Variants in CDK6 observed in about 807,000 individuals in gnomAD.
CDK6 encodes the protein cyclin-dependent kinase 6.
A neutral mutation model predicts 37.1 loss-of-function variants in CDK6; 6 were observed. That is an observed-to-expected ratio of 0.16 (90% CI 0.09 to 0.32). The LOEUF (loss-of-function observed/expected upper bound fraction) is 0.32, where lower values mean the gene tolerates loss of function less well. Among genes scored for constraint, CDK6 ranks in the 10% least tolerant of loss-of-function variants. The pLI is 1.00. For synonymous variants in CDK6, 160 were observed against 161.3 expected, an observed-to-expected ratio of 0.99 and a Z score of 0.06; for missense variants, 224 against 418.9, an observed-to-expected ratio of 0.53 and a Z score of 4.06.
chr7:92,621,612 T>C (rs998906718), intron 6 of CDK6, among the ~76,000 whole-genome samples: 5 of 152,226 alleles, frequency 3.3e-5, no homozygotes, highest in African/African-American at 1.2e-4. Context: ...CTTTCCCTAG[T>C]TTCCTCTTTA....
chr7:92,625,219 A>AACACACACAC (rs71699291), intron 5 of CDK6, among the ~76,000 whole-genome samples: 54 of 141,990 alleles, frequency 3.8e-4, no homozygotes, highest in African/African-American at 1.1e-3. Context: ...GTGGTAACTA[A>AACACACACAC]ACACACACAC....
intron 3 of CDK6, among the ~76,000 whole-genome samples, chr7:92,726,494 T>C (rs1359867061): frequency 3.3e-5 from 5 of 152,136 alleles, no homozygotes; most frequent in Non-Finnish European, 4.4e-5. Flanking sequence ...CCCTGCAGAC[T>C]TGACTTCCTT....
intron 4 of CDK6, among the ~76,000 whole-genome samples, chr7:92,698,645 T>C (rs1562939433): frequency 6.6e-6 from 1 of 152,244 alleles, no homozygotes; most frequent in South Asian, 2.1e-4. Context: ...CCATTTTGTT[T>C]GCCTGTAGGC....
chr7:92,657,941 CG>C (rs1382058687), intron 5 of CDK6, among the ~76,000 whole-genome samples: 1 of 152,096 alleles, frequency 6.6e-6, no homozygotes, highest in African/African-American at 2.4e-5. Context: ...AGACTGGTCT[CG>C]AACTCCTGAG....
chr7:92,747,349 G>A (rs1213327311), intron 3 of CDK6, among the ~76,000 whole-genome samples: 6 of 151,952 alleles, frequency 3.9e-5, no homozygotes, highest in Admixed American at 2.6e-4. Context: ...TCTCCTAAAC[G>A]AGCACACTGC....
intron 4 of CDK6, among the ~76,000 whole-genome samples, chr7:92,684,244 G>A (rs1797400140): frequency 6.6e-6 from 1 of 152,190 alleles, no homozygotes; most frequent in South Asian, 2.1e-4. Context: ...TCACTGTGGA[G>A]TCTAAATGAC....
intron 5 of CDK6, among the ~76,000 whole-genome samples, chr7:92,634,211 AG>A (rs1176771149): frequency 6.6e-6 from 1 of 152,058 alleles, no homozygotes; most frequent in East Asian, 1.9e-4. Context: ...CTCTGTGGTG[AG>A]GAATAGTGAG....
At chr7:92,782,328 C>T (rs1037465271) in intron 2 of CDK6, among the ~76,000 whole-genome samples, 2 of 152,170 alleles carry the variant, frequency 1.3e-5, no homozygotes, top group Admixed American at 6.5e-5. Context: ...CAGATGGTCT[C>T]TGCCTTTCCA....
chr7:92,753,935 T>C (rs1001643101), intron 3 of CDK6, among the ~76,000 whole-genome samples: 2 of 152,176 alleles, frequency 1.3e-5, no homozygotes, highest in African/African-American at 2.4e-5. Context: ...CTCTGCTTCA[T>C]TGTGAGATCA....
chr7:92,719,445 T>C (rs1798313696), intron 4 of CDK6, among the ~76,000 whole-genome samples: 1 of 152,256 alleles, frequency 6.6e-6, no homozygotes, highest in Non-Finnish European at 1.5e-5. Flanking sequence ...TAACATTTAC[T>C]TGTTGTCTTT....
At chr7:92,712,129 T>C (rs1272866390) in intron 4 of CDK6, among the ~76,000 whole-genome samples, 1 of 149,814 alleles carries the variant, frequency 6.7e-6, no homozygotes, top group Non-Finnish European at 1.5e-5. Context: ...CACTGCAGTC[T>C]GGTCTGGGTG....
At chr7:92,705,762 T>C (rs1056862233) in intron 4 of CDK6, among the ~76,000 whole-genome samples, 2 of 152,188 alleles carry the variant, frequency 1.3e-5, no homozygotes, top group Non-Finnish European at 2.9e-5. Flanking sequence ...GGGCACTAGA[T>C]AGATAAGAGC....
intron 4 of CDK6, among the ~76,000 whole-genome samples, chr7:92,697,408 A>G (rs1382914942): frequency 6.6e-6 from 1 of 152,236 alleles, no homozygotes; most frequent in Non-Finnish European, 1.5e-5. Context: ...TTCACTAAGG[A>G]CTTCACACAT....
chr7:92,704,248 A>G (rs138798777), intron 4 of CDK6, among the ~76,000 whole-genome samples: 2,618 of 152,274 alleles, frequency 0.017, 41 homozygotes, highest in Middle Eastern at 0.048. Context: ...TTTTATATAT[A>G]TCATTAATTT....
Position 92,833,310 on chromosome 7 carries a change from C to A in CDK6, c.14G>T (p.Gly5Val). The change falls in exon 2 of 8, where the codon GGC becomes GTC. Residue 5 changes from glycine (G) to valine (V), a missense_variant. Around this residue, in one of 5 missense-constraint regions of CDK6, gnomAD observed 18 missense variants for 18.5 expected, o/e 0.97. Transcript: ENST00000424848. This position sits in a 1 kb window ranked among gnomAD's most constrained non-coding sequence, Gnocchi z 6.1. Reference protein sequence around the residue: MEKDGLCRADQQYEC... With the variant: MEKDVLCRADQQYEC... ...GTACTGCTGGTCAGCGCGGCACAGG[C>A]CGTCCTTCTCCATGCCGCCTGGACG... 6.3e-7 allele frequency: 1 copy of A among 1,593,306 alleles called. No homozygotes were observed. Among genetic ancestry groups the A allele is most frequent in the Admixed American group, 1.7e-5 (1 of 58,434 alleles).
At chr7:92,759,139 G>T (rs571500653) in intron 3 of CDK6, among the ~76,000 whole-genome samples, 3 of 152,262 alleles carry the variant, frequency 2.0e-5, no homozygotes, top group Admixed American at 2.0e-4. Flanking sequence ...ACACACCCAG[G>T]CTTCTTAGCC....
intron 4 of CDK6, among the ~76,000 whole-genome samples, chr7:92,707,595 A>G (rs1276570871): frequency 6.6e-6 from 1 of 152,212 alleles, no homozygotes; most frequent in Admixed American, 6.5e-5. Flanking sequence ...AACAACATCA[A>G]TGGAGTCACT....
chr7:92,829,019 C>T (rs964415954), intron 2 of CDK6, among the ~76,000 whole-genome samples: 1 of 152,110 alleles, frequency 6.6e-6, no homozygotes, highest in East Asian at 1.9e-4. Flanking sequence ...TATTATTCAA[C>T]CACACAAATA....
intron 2 of CDK6, among the ~76,000 whole-genome samples, chr7:92,781,681 T>G (rs753533168): frequency 6.6e-6 from 1 of 152,080 alleles, no homozygotes; most frequent in African/African-American, 2.4e-5. Flanking sequence ...TTCCGGTCAC[T>G]TTTTTTTCCC....
Sources: gnomAD v4.1 joint callset for allele counts (sites outside exome capture counted in the v4.1 genomes callset) on GRCh38, gnomAD v4.1.1 for gene constraint, gnomAD v4.1.1 regional missense constraint, Gnocchi (gnomAD v3.1) non-coding constraint, MANE v1.5 for transcripts, NCBI Gene and HGNC (gene_info 2026-07-23, HGNC 2026-07-21) for gene names.